The following NSD1 variants were observed in gnomAD, a reference collection of about 807,000 sequenced individuals.
NSD1 encodes histone-lysine N-methyltransferase, H3 lysine-36 specific.
Under a neutral mutation model 242.7 loss-of-function variants are expected in NSD1, and 26 were observed. The ratio of observed to expected loss-of-function variants is 0.11; its 90% CI spans 0.08 to 0.15. The LOEUF is 0.15. Among genes scored for constraint, NSD1 ranks in the 10% least tolerant of loss-of-function variants. NSD1 has a pLI of 1.00. For missense variants in NSD1, 2,495 were observed against 3,272.8 expected (o/e 0.76, Z 5.80); for synonymous variants, 1,106 against 1,178.1 (o/e 0.94, Z 1.25).
intron 5 of NSD1, among the ~76,000 whole-genome samples, chr5:177,226,100 G>GT (rs1039130430): frequency 6.6e-6 from 1 of 152,192 alleles, no homozygotes; most frequent in Non-Finnish European, 1.5e-5. Flanking sequence ...AGGCTGGAGT[G>GT]TGGTGGCACA....
At chr5:177,168,731 G>C (rs1203381762) in intron 2 of NSD1, among the ~76,000 whole-genome samples, 1 of 152,142 alleles carries the variant, frequency 6.6e-6, no homozygotes, top group African/African-American at 2.4e-5. Flanking sequence ...AAAGTGCTGG[G>C]ATTGCTGGCA....
chr5:177,190,292 A>C (rs1248998036), intron 2 of NSD1, among the ~76,000 whole-genome samples: 1 of 151,162 alleles, frequency 6.6e-6, no homozygotes, highest in Non-Finnish European at 1.5e-5. Flanking sequence ...TATTCTTTTT[A>C]CTTTTGAGGC....
At position 177,264,849 on chromosome 5, in the gene NSD1, C is replaced by T. The variant is rs10476221; in HGVS notation, c.5147-2713C>T. 21,481 of 759,450 alleles carry T rather than the reference C, an allele frequency of 0.028. 2,960 individuals carry two copies. The African/African-American group carries it at 0.31, about 11-fold the overall frequency. 47.0% of individuals were successfully genotyped at this position (759,450 alleles called of 1,614,324 possible). ...GAAAACATGGAGTTGTTCCTTTGGC[C>T]GCATATATGCGAATCTATAAGAAAG... is the stretch of plus-strand genomic sequence containing the variant. On this transcript the variant is annotated intron_variant, in intron 14 of 22. Transcript: ENST00000439151.
chr5:177,160,504 T>C (rs1477149128), intron 2 of NSD1, among the ~76,000 whole-genome samples: 1 of 151,788 alleles, frequency 6.6e-6, no homozygotes, highest in African/African-American at 2.4e-5. Context: ...GCTTTCACCA[T>C]GTTGGCCAGG....
intron 2 of NSD1, among the ~76,000 whole-genome samples, chr5:177,180,756 C>T (rs1488950114): frequency 6.6e-6 from 1 of 151,996 alleles, no homozygotes; most frequent in Non-Finnish European, 1.5e-5. Flanking sequence ...GATCTCAGCT[C>T]ACTGCATCCT....
chr5:177,133,170 G>C (rs1755987497), upstream of NSD1: 1 of 152,528 alleles, frequency 6.6e-6, no homozygotes, highest in African/African-American at 2.4e-5. The surrounding 1 kb of genome is among the most constrained non-coding windows in gnomAD (Gnocchi z 6.2). Context: ...CCCTGCGGCA[G>C]GAGGGGGGTT....
chr5:177,159,022 A>ATATATATATATATATATATG (rs1215294756), intron 2 of NSD1, among the ~76,000 whole-genome samples: 23 of 121,424 alleles, frequency 1.9e-4, no homozygotes, highest in Admixed American at 2.5e-4. Context: ...ATATATATAT[A>ATATATATATATATATATATG]TATGAATGAT....
intron 2 of NSD1, among the ~76,000 whole-genome samples, chr5:177,185,778 A>ATG (rs1178508648): frequency 2.2e-5 from 1 of 45,926 alleles, no homozygotes; most frequent in Admixed American, 4.5e-4. Flanking sequence ...TTTATATATT[A>ATG]TATATGTATA....
At chr5:177,155,289 T>TAATTTTTGTATTTTCAGTAGA (rs1419937087) in intron 2 of NSD1, among the ~76,000 whole-genome samples, 2 of 152,018 alleles carry the variant, frequency 1.3e-5, no homozygotes, top group African/African-American at 4.8e-5. Context: ...GCGCCTGGCC[T>TAATTTTTGTATTTTCAGTAGA]AATTTTTGTA....
intron 5 of NSD1, among the ~76,000 whole-genome samples, chr5:177,231,385 G>GT (rs1271895713): frequency 6.6e-6 from 1 of 152,146 alleles, no homozygotes; most frequent in Non-Finnish European, 1.5e-5. Flanking sequence ...TTGCCTAGCT[G>GT]TTTTCACCAT....
upstream of NSD1, among the ~76,000 whole-genome samples, chr5:177,132,157 GCTTGTCCCGGCCAGCCGGGCGGTCC>G (rs1424733293): frequency 6.6e-6 from 1 of 152,122 alleles, no homozygotes; most frequent in African/African-American, 2.4e-5. This position sits in a 1 kb window ranked among gnomAD's most constrained non-coding sequence, Gnocchi z 7.5. Context: ...GCGCCAGCGG[GCTTGTCCCGGCCAGCCGGGCGGTCC>G]CGTGTCCCGG....
chr5:177,217,251 C>T (rs543588984), intron 5 of NSD1, among the ~76,000 whole-genome samples: 1 of 152,102 alleles, frequency 6.6e-6, no homozygotes, highest in East Asian at 1.9e-4. Flanking sequence ...GTATTCTATT[C>T]TTTTTTATGC....
intron 3 of NSD1, among the ~76,000 whole-genome samples, chr5:177,193,698 C>T (rs1761879260): frequency 1.3e-5 from 2 of 152,178 alleles, no homozygotes; most frequent in Admixed American, 1.3e-4. Flanking sequence ...AATCAGCTTA[C>T]TCTCTGCTTT....
intron 4 of NSD1, among the ~76,000 whole-genome samples, chr5:177,209,358 A>T (rs762364571): frequency 6.6e-6 from 1 of 151,616 alleles, no homozygotes; most frequent in East Asian, 2.0e-4. Flanking sequence ...TGAAACCCCT[A>T]TTCTACTGAA....
chr5:177,293,789 A>G (rs1419177146), intron 22 of NSD1, 43 bp from the exon 23 acceptor site: 1 of 1,607,206 alleles, frequency 6.2e-7, no homozygotes, highest in Non-Finnish European at 8.5e-7. Flanking sequence ...TGTGATATGT[A>G]TCTCTTTTTT....
intron 4 of NSD1, among the ~76,000 whole-genome samples, chr5:177,206,196 C>T (rs1391322140): frequency 2.0e-5 from 3 of 152,136 alleles, no homozygotes; most frequent in African/African-American, 7.2e-5. Context: ...GACAGGGTTT[C>T]ACCATGTTGG....
chr5:177,256,750 A>T (rs1756502951), intron 12 of NSD1, among the ~76,000 whole-genome samples: 1 of 152,172 alleles, frequency 6.6e-6, no homozygotes. Context: ...TGTAGACAAT[A>T]TGTACTTTCT....
chr5:177,272,876 C>T (rs909245815), intron 16 of NSD1, among the ~76,000 whole-genome samples: 3 of 151,880 alleles, frequency 2.0e-5, no homozygotes, highest in African/African-American at 7.3e-5. Context: ...GAGTGAGACC[C>T]TGTCTCAAAA....
At chr5:177,155,203 C>T (rs1758028862) in intron 2 of NSD1, among the ~76,000 whole-genome samples, 3 of 151,788 alleles carry the variant, frequency 2.0e-5, no homozygotes, top group East Asian at 1.9e-4. Flanking sequence ...TGGTCAGGCT[C>T]GTGTCAAACT....
Sources: gnomAD v4.1 joint callset for allele counts (sites outside exome capture counted in the v4.1 genomes callset) on GRCh38, gnomAD v4.1.1 for gene constraint, Gnocchi (gnomAD v3.1) non-coding constraint, MANE v1.5 for transcripts, NCBI Gene and HGNC (gene_info 2026-07-23, HGNC 2026-07-21) for gene names.